TMEM114: variants seen among roughly 807,000 people sequenced by gnomAD.
TMEM114 encodes the protein claudin-26.
TMEM114 carries 6 observed loss-of-function variants against 6.2 expected under a neutral mutation model. That is an observed-to-expected ratio of 0.97 (90% CI 0.53 to 1.91). TMEM114 has a LOEUF of 1.91. Among genes scored for constraint, TMEM114 ranks in the 40% most tolerant of loss-of-function variants. The probability of loss-of-function intolerance (pLI) is 0.01; values close to 1 mark genes in which losing one functional copy is unlikely to be tolerated. For missense variants in TMEM114, 218 were observed against 158.3 expected (o/e 1.38, Z -2.02); for synonymous variants, 104 against 73.0 (o/e 1.42, Z -2.16).
intron 2 of TMEM114, among the ~76,000 whole-genome samples, chr16:8,582,974 G>A (rs1272685564): frequency 6.6e-6 from 1 of 152,074 alleles, no homozygotes; most frequent in Non-Finnish European, 1.5e-5. Flanking sequence ...GGAAAGGAAG[G>A]AAAAGGAAAG....
chr16:8,546,082 T>C (rs1900657282), intron 2 of TMEM114, among the ~76,000 whole-genome samples: 1 of 151,988 alleles, frequency 6.6e-6, no homozygotes, highest in South Asian at 2.1e-4. Flanking sequence ...GTCACTGCAC[T>C]CCAGCCTGGG....
At chr16:8,588,810 C>CT (rs1488531037) in intron 2 of TMEM114, among the ~76,000 whole-genome samples, 1 of 152,232 alleles carries the variant, frequency 6.6e-6, no homozygotes, top group African/African-American at 2.4e-5. Flanking sequence ...TGAGACCTCT[C>CT]TTTCACCATT....
At chr16:8,548,587 T>C (rs1900744818) in intron 2 of TMEM114, among the ~76,000 whole-genome samples, 1 of 152,076 alleles carries the variant, frequency 6.6e-6, no homozygotes, top group Admixed American at 6.6e-5. Flanking sequence ...TGTAGTATCC[T>C]AGACCTTTTT....
chr16:8,529,432 G>C, the TMEM114 span, among the ~76,000 whole-genome samples: 1 of 152,202 alleles, frequency 6.6e-6, no homozygotes, highest in Non-Finnish European at 1.5e-5. Context: ...TGGATAACTA[G>C]CAGGGACATT....
downstream of TMEM114, among the ~76,000 whole-genome samples, chr16:8,568,282 C>T (rs763985147): frequency 6.6e-6 from 1 of 152,180 alleles, no homozygotes; most frequent in South Asian, 2.1e-4. Flanking sequence ...CATTGCCCCC[C>T]CAGTTGCTGG....
chr16:8,580,776 C>A (rs886114072), intron 2 of TMEM114, among the ~76,000 whole-genome samples: 1 of 152,172 alleles, frequency 6.6e-6, no homozygotes, highest in South Asian at 2.1e-4. Context: ...ACTGCAACCT[C>A]CATTTCCCAG....
the TMEM114 span, among the ~76,000 whole-genome samples, chr16:8,531,684 G>C: frequency 6.6e-6 from 1 of 152,342 alleles, no homozygotes; most frequent in South Asian, 2.1e-4. Context: ...GAAGTGACCA[G>C]TGTAACATTC....
intron 2 of TMEM114, among the ~76,000 whole-genome samples, chr16:8,576,363 G>C (rs1901930252): frequency 6.6e-6 from 1 of 152,144 alleles, no homozygotes; most frequent in South Asian, 2.1e-4. Context: ...GTCCTTCCTG[G>C]CAACCTCTTG....
downstream of TMEM114, among the ~76,000 whole-genome samples, chr16:8,567,167 C>A (rs925474149): frequency 6.6e-6 from 1 of 151,978 alleles, no homozygotes; most frequent in Non-Finnish European, 1.5e-5. Context: ...TCTTGGCATC[C>A]CAAAGTGCTG....
At chr16:8,541,949 A>G (rs1383255005) in intron 2 of TMEM114, among the ~76,000 whole-genome samples, 3 of 152,240 alleles carry the variant, frequency 2.0e-5, no homozygotes, top group Admixed American at 6.5e-5. Flanking sequence ...AGAGAGATGT[A>G]GCACAGTGGC....
downstream of TMEM114, among the ~76,000 whole-genome samples, chr16:8,569,299 A>T (rs1456386452): frequency 6.6e-6 from 1 of 152,130 alleles, no homozygotes; most frequent in African/African-American, 2.4e-5. Context: ...TAGAAAGCCC[A>T]TGTCATGCCA....
chr16:8,563,495 G>C (rs1353680229), intron 2 of TMEM114, among the ~76,000 whole-genome samples: 17 of 150,992 alleles, frequency 1.1e-4, no homozygotes, highest in African/African-American at 3.5e-4. Context: ...GTGAATGAGT[G>C]ACTGAGGGAG....
chr16:8,583,494 C>T (rs1298700542), intron 2 of TMEM114, among the ~76,000 whole-genome samples: 1 of 152,154 alleles, frequency 6.6e-6, no homozygotes, highest in South Asian at 2.1e-4. Flanking sequence ...CCTGTTATCC[C>T]AGCACTTTGG....
At chr16:8,548,694 G>GTATATATATATATATATATATATA (rs141212101) in intron 2 of TMEM114, among the ~76,000 whole-genome samples, 76 of 139,932 alleles carry the variant, frequency 5.4e-4, no homozygotes, top group African/African-American at 2.0e-3. Context: ...AAATTGCCAT[G>GTATATATATATATATATATATATA]TATATATATA....
At chr16:8,566,073 G>A (rs975669647), downstream of TMEM114, among the ~76,000 whole-genome samples, 18 of 152,172 alleles carry the variant, frequency 1.2e-4, no homozygotes, top group Admixed American at 9.8e-4. Context: ...AGGACAGATC[G>A]AAACAGAATG....
intron 2 of TMEM114, among the ~76,000 whole-genome samples, chr16:8,548,636 C>G (rs188370746): frequency 6.0e-4 from 89 of 149,500 alleles, no homozygotes; most frequent in African/African-American, 2.1e-3. Flanking sequence ...GAGATGAAAT[C>G]TTATATGCAT....
At chr16:8,528,425 C>A in the TMEM114 span, among the ~76,000 whole-genome samples, 1 of 152,178 alleles carries the variant, frequency 6.6e-6, no homozygotes, top group Non-Finnish European at 1.5e-5. Context: ...CCCCTTCTGA[C>A]CTGCTCCCCC....
At chr16:8,582,831 G>A (rs1902198119) in intron 2 of TMEM114, among the ~76,000 whole-genome samples, 1 of 152,030 alleles carries the variant, frequency 6.6e-6, no homozygotes, top group African/African-American at 2.4e-5. Context: ...CCCAGGAGGT[G>A]GAAGCTGCAG....
At chr16:8,551,094 C>G (rs1900830197) in intron 2 of TMEM114, among the ~76,000 whole-genome samples, 1 of 152,186 alleles carries the variant, frequency 6.6e-6, no homozygotes, top group African/African-American at 2.4e-5. Flanking sequence ...ATGGGTCTCC[C>G]AGGAAACGTG....
Sources: allele counts gnomAD v4.1 joint callset (sites outside exome capture counted in the v4.1 genomes callset), GRCh38; gene constraint gnomAD v4.1.1; transcripts MANE v1.5; gene names NCBI Gene and HGNC (gene_info 2026-07-23, HGNC 2026-07-21).